RAG1: variants seen among roughly 807,000 people sequenced by gnomAD.
The protein encoded by RAG1 is recombination activating 1, also known as V(D)J recombination-activating protein 1.
In RAG1, 35 loss-of-function variants were observed where a neutral mutation model predicts 62.7. That is an observed-to-expected ratio of 0.56 (90% CI 0.43 to 0.74). The LOEUF (loss-of-function observed/expected upper bound fraction) is 0.74, where lower values mean the gene tolerates loss of function less well. Among genes scored for constraint, RAG1 ranks in the 30% least tolerant of loss-of-function variants. The probability of loss-of-function intolerance (pLI) is 0.00; values close to 1 mark genes in which losing one functional copy is unlikely to be tolerated. For missense variants in RAG1, 1,169 were observed against 1,278.6 expected (o/e 0.91, Z 1.31); for synonymous variants, 461 against 470.3 (o/e 0.98, Z 0.26).
chr11:36,562,780 G>T (rs940133026), intron 3 of RAG1, among the ~76,000 whole-genome samples: 1 of 152,122 alleles, frequency 6.6e-6, no homozygotes, highest in East Asian at 1.9e-4. Flanking sequence ...ATATTTTCAT[G>T]GTATGGAGGC....
intron 3 of RAG1, among the ~76,000 whole-genome samples, chr11:36,560,464 T>G (rs1281712759): frequency 6.6e-6 from 1 of 152,162 alleles, no homozygotes; most frequent in Non-Finnish European, 1.5e-5. Context: ...TGTAGTCTTT[T>G]GTCTGGTGGA....
At chr11:36,548,947 G>A (rs1850441340) in intron 3 of RAG1, among the ~76,000 whole-genome samples, 1 of 151,602 alleles carries the variant, frequency 6.6e-6, no homozygotes, top group African/African-American at 2.4e-5. Flanking sequence ...GGAACCAAAC[G>A]GAAGCATTAG....
upstream of RAG1, among the ~76,000 whole-genome samples, chr11:36,564,665 C>T (rs1194946566): frequency 2.0e-5 from 3 of 152,214 alleles, no homozygotes; most frequent in Admixed American, 6.5e-5. Flanking sequence ...ATTAATAACA[C>T]ATTAGAAATT....
At position 36,577,956 on chromosome 11, in the gene RAG1, A is replaced by G. The variant is rs1850877604; in HGVS notation, c.*1520A>G. ...GAAGAAAGCAACACAAAAGCTCCAA[A>G]GGGCCCCCTAACCCTCTTGTGGCTC... On this transcript the variant is annotated 3_prime_UTR_variant, in exon 2 of 2. Transcript: ENST00000299440. 1 of 167,114 alleles carries G rather than the reference A, an allele frequency of 6.0e-6. No individual in the cohort carries two copies. The highest frequency in any genetic ancestry group is 2.1e-4 in the South Asian group (1 of 4,824). 10.4% of individuals were successfully genotyped at this position (167,114 alleles called of 1,614,324 possible). A position where few individuals can be genotyped will look rare whatever the true frequency, so the allele number is the denominator to read the frequency against.
Position 36,574,051 on chromosome 11 carries a change from CAAGAG to C in RAG1, c.753_757del (p.Arg251SerfsTer19), listed in dbSNP as rs752122007. The C allele has an allele frequency of 6.2e-7, 1 of 1,614,118 alleles. No individual in the cohort carries two copies. On this transcript the variant is annotated frameshift_variant, in exon 2 of 2. Transcript: ENST00000299440. LOFTEE classifies it high-confidence loss of function. The stretch of plus-strand genomic sequence containing the variant: ...ACCAAGCAAGACAAGCCCGTCAGCA[CAAGAG>C]AAGAGCTCAGGCAAGGATCAGCAGC...
At chr11:36,567,560 A>G (rs553387111), upstream of RAG1, 1 of 152,310 alleles carries the variant, frequency 6.6e-6, no homozygotes, top group Non-Finnish European at 1.5e-5. Context: ...AGATAATAAT[A>G]AAAAAATTCC....
chr11:36,516,707 C>T (rs1004087805), intron 1 of RAG1, among the ~76,000 whole-genome samples: 1 of 152,228 alleles, frequency 6.6e-6, no homozygotes, highest in Non-Finnish European at 1.5e-5. Context: ...TGTACCTTCC[C>T]TTCTGGACAC....
intron 3 of RAG1, among the ~76,000 whole-genome samples, chr11:36,559,253 T>TTCTCTTGCTGTTTTTACACTTC (rs1173032252): frequency 1.8e-4 from 27 of 152,324 alleles, no homozygotes; most frequent in East Asian, 1.9e-4. Flanking sequence ...GTTGACACTC[T>TTCTCTTGCTGTTTTTACACTTC]TCTCTTGCTG....
At chr11:36,523,094 A>G (rs1860106416) in intron 2 of RAG1, among the ~76,000 whole-genome samples, 1 of 151,992 alleles carries the variant, frequency 6.6e-6, no homozygotes, top group South Asian at 2.1e-4. Context: ...ACTTAGGGGG[A>G]CTATTGGGAA....
downstream of RAG1, among the ~76,000 whole-genome samples, chr11:36,538,569 A>G (rs959133018): frequency 2.6e-4 from 39 of 152,316 alleles, no homozygotes; most frequent in African/African-American, 9.1e-4. Context: ...AAACAAATAC[A>G]TGTTCATTGA....
rs368797111 is a variant in RAG1 at position 36,573,760 on chromosome 11, G to A, written c.456G>A (p.Pro152=). ...AGGAAAAGAGAGCTACTTCCTGGCC[G>A]GACCTCATTGCCAAGGTTTTCCGGA... ...RKKEKRATSW[P]DLIAKVFRID... Residue 152 remains proline, a synonymous_variant, in exon 2 of 2, where the codon CCG becomes CCA. Coordinates refer to ENST00000299440, the MANE Select transcript of RAG1 (RefSeq NM_000448.3). 1.6e-5 allele frequency: 26 copies of A among 1,613,878 alleles called. No homozygotes were observed. Among genetic ancestry groups the A allele is most frequent in the East Asian group, 2.2e-5 (1 of 44,872 alleles).
downstream of RAG1, among the ~76,000 whole-genome samples, chr11:36,539,183 G>A (rs1406748029): frequency 6.6e-6 from 1 of 152,132 alleles, no homozygotes; most frequent in East Asian, 1.9e-4. Context: ...AATAAGACTG[G>A]TATCCTTATA....
Position 36,557,741 on chromosome 11 carries a change from G to A in RAG1, c.-411-5644G>A, listed in dbSNP as rs188898432. On this transcript the variant is annotated intron_variant and NMD_transcript_variant, in intron 3 of 9. Coordinates refer to the RAG1 transcript ENST00000534663. ...ACAGGAAGGGGATACAATTCAACCT[G>A]TAACAATAATGAACCCTCTCACTTT... Among the ~76,000 whole-genome samples, 5 of 152,280 alleles carry A rather than the reference G, an allele frequency of 3.3e-5. No individual in the cohort carries two copies. The East Asian group carries it at 7.7e-4, about 24-fold the overall frequency.
At chr11:36,528,621 G>C (rs1469895956) in intron 2 of RAG1, among the ~76,000 whole-genome samples, 1 of 152,014 alleles carries the variant, frequency 6.6e-6, no homozygotes, top group African/African-American at 2.4e-5. Context: ...TCAAAACCTA[G>C]CAGAAGACAA....
Position 36,575,059 on chromosome 11 carries a change from C to A in RAG1, c.1755C>A (p.Asp585Glu), listed in dbSNP as rs1850820359. The change falls in exon 2 of 2, where the codon GAC becomes GAA. Residue 585 changes from aspartate (D) to glutamate (E), a missense_variant. Physicochemically the swap from Asp to Glu is conservative, Grantham distance 45 (BLOSUM62 2). Around this residue, in one of 2 missense-constraint regions of RAG1, gnomAD observed 800 missense variants for 943.3 expected, o/e 0.85. Transcript: ENST00000299440. The surrounding 1 kb of genome is among the most constrained non-coding windows in gnomAD (Gnocchi z 4.1). ...EDILEGMRSQ[D>E]LDDYLNGPFT... Reference sequence around the variant, plus strand: ...TCTTGGAAGGCATGAGATCCCAAGACCTTGATGATTACCTGAATGGCCCCT... The same window carrying A: ...TCTTGGAAGGCATGAGATCCCAAGAACTTGATGATTACCTGAATGGCCCCT... The A allele has an allele frequency of 6.2e-7, 1 of 1,613,968 alleles. No individual in the cohort carries two copies. Among genetic ancestry groups the A allele is most frequent in the Non-Finnish European group, 8.5e-7 (1 of 1,180,032 alleles).
At chr11:36,526,741 C>G (rs1860169412) in intron 2 of RAG1, among the ~76,000 whole-genome samples, 1 of 152,212 alleles carries the variant, frequency 6.6e-6, no homozygotes, top group African/African-American at 2.4e-5. Context: ...TCTCCAGCAT[C>G]TGTTGTTTCC....
chr11:36,531,797 C>G (rs193049172), intron 2 of RAG1, among the ~76,000 whole-genome samples: 12 of 151,904 alleles, frequency 7.9e-5, no homozygotes, highest in African/African-American at 2.9e-4. Context: ...ATTCAATAAC[C>G]TTTTTTCTTA....
chr11:36,522,487 G>C (rs1404363431), intron 2 of RAG1, among the ~76,000 whole-genome samples: 1 of 152,250 alleles, frequency 6.6e-6, no homozygotes, highest in Non-Finnish European at 1.5e-5. Context: ...GAAACGCCTG[G>C]ATGCCCAGGC....
chr11:36,572,232 C>T (rs1438327273), intron 1 of RAG1, among the ~76,000 whole-genome samples: 1 of 152,198 alleles, frequency 6.6e-6, no homozygotes, highest in Non-Finnish European at 1.5e-5. Flanking sequence ...ATTGAAAATA[C>T]AGCTGCTCTC....
Sources: allele counts gnomAD v4.1 joint callset (sites outside exome capture counted in the v4.1 genomes callset), GRCh38; gene constraint gnomAD v4.1.1; regional missense constraint gnomAD v4.1.1; non-coding constraint Gnocchi (gnomAD v3.1); transcripts MANE v1.5; gene names NCBI Gene and HGNC (gene_info 2026-07-23, HGNC 2026-07-21).